The following RPS29 variants were observed in gnomAD, a reference collection of about 807,000 sequenced individuals.
RPS29 encodes the protein ribosomal protein S29, also known as small ribosomal subunit protein uS14.
For missense variants in RPS29, 60 were observed against 75.7 expected (o/e 0.79, Z 0.77); for synonymous variants, 37 against 26.9 (o/e 1.37, Z -1.16).
At chr14:49,595,542 G>A (rs2139523316) in intron 1 of RPS29, among the ~76,000 whole-genome samples, 1 of 152,196 alleles carries the variant, frequency 6.6e-6, no homozygotes, top group East Asian at 1.9e-4. Context: ...AGGAGTTTGA[G>A]GTTGCAGTGA....
exon 3 of RPS29, chr14:49,576,932 C>G (rs1352894090): frequency 6.6e-6 from 1 of 152,248 alleles, no homozygotes; most frequent in Non-Finnish European, 1.5e-5. Context: ...TTTTTCTTCC[C>G]AGTCTTAGGT....
At chr14:49,598,645 A>T (rs1271709064) in exon 1 of RPS29, 2 of 700,912 alleles carry the variant, frequency 2.9e-6, no homozygotes, top group Admixed American at 4.0e-5. Context: ...TGCGCCCGCA[A>T]CGCGTAAAGC....
rs867922556 is a variant in RPS29, at chr14:49,586,349, T to C, written c.-3A>G. 3.7e-6 allele frequency: 6 copies of C among 1,613,892 alleles called. No homozygotes were observed. In the East Asian group the frequency reaches 6.7e-5, roughly 18 times the overall value. On this transcript the variant is annotated 5_prime_UTR_variant, in exon 1 of 3. Transcript: ENST00000245458. The stretch of plus-strand genomic sequence containing the variant: ...CAGTACAGCTGCTGGTGACCCATCT[T>C]GCTCTCAGCAGTGCAACGAGGTAAA...
upstream of RPS29, among the ~76,000 whole-genome samples, chr14:49,590,486 A>C (rs1362676328): frequency 1.3e-5 from 2 of 152,092 alleles, no homozygotes; most frequent in South Asian, 4.1e-4. Flanking sequence ...AAAAAAAAAC[A>C]AAAAACAAAA....
At chr14:49,586,173 G>C in intron 1 of RPS29, 112 bp downstream of exon 1, 1 of 1,392,964 alleles carries the variant, frequency 7.2e-7, no homozygotes, top group African/African-American at 1.4e-5. Context: ...CGGCACCAGC[G>C]ACTCCCAGTC....
At chr14:49,586,672 GCTATGCCGATCGGGTGTCC>G, upstream of RPS29, 1 of 337,404 alleles carries the variant, frequency 3.0e-6, no homozygotes, top group Non-Finnish European at 5.8e-6. Flanking sequence ...GCTGTAGTGC[GCTATGCCGATCGGGTGTCC>G]GCACTAAGTT....
upstream of RPS29, chr14:49,586,423 T>C: frequency 7.6e-7 from 1 of 1,314,126 alleles, no homozygotes; most frequent in South Asian, 1.2e-5. Flanking sequence ...TGAGACAGTT[T>C]ACCCAGAATG....
chr14:49,591,231 C>A (rs1250170409), upstream of RPS29, among the ~76,000 whole-genome samples: 2 of 152,078 alleles, frequency 1.3e-5, no homozygotes. Context: ...ACCCTAGACC[C>A]CTATTTTCCC....
In RPS29 at chr14:49,584,792, G is replaced by A. The variant is rs1255034097; in HGVS notation, c.163-1117C>T. ...AAAAAAAAAAATTTACATCATTATA[G>A]AACAGTACTATCCAATACAAAATAA... On this transcript the variant is annotated intron_variant, in intron 2 of 2. Coordinates refer to ENST00000245458, the MANE Select transcript of RPS29 (RefSeq NM_001032.5). Among the ~76,000 whole-genome samples the A allele has an allele frequency of 2.6e-5, 4 of 151,350 alleles. No individual in the cohort carries two copies. In the East Asian group the frequency reaches 7.7e-4, roughly 29 times the overall value.
chr14:49,577,571 A>T, exon 3 of RPS29: 1 of 641,202 alleles, frequency 1.6e-6, no homozygotes, highest in South Asian at 1.7e-5. Context: ...TGGACCAGGA[A>T]CTTCCAGAAG....
At chr14:49,591,327 A>C (rs1303109367), upstream of RPS29, among the ~76,000 whole-genome samples, 2 of 146,280 alleles carry the variant, frequency 1.4e-5, no homozygotes, top group Admixed American at 1.4e-4. Flanking sequence ...GTTTTCACAG[A>C]GTCTCACTCT....
intron 1 of RPS29, among the ~76,000 whole-genome samples, chr14:49,594,093 C>G (rs1881771430): frequency 6.6e-6 from 1 of 152,250 alleles, no homozygotes. Flanking sequence ...GACATTTCAG[C>G]TCTAAAACTT....
At chr14:49,586,078 G>C in intron 1 of RPS29, 29 bp from the exon 2 acceptor site, 1 of 1,595,432 alleles carries the variant, frequency 6.3e-7, no homozygotes, top group Non-Finnish European at 8.6e-7. Context: ...CGGTTTTGCA[G>C]GTCATAGAAA....
chr14:49,576,314 G>T lies in RPS29; in HGVS notation c.*1498C>A, dbSNP rs894512757. 12 of 151,968 alleles carry T rather than the reference G, an allele frequency of 7.9e-5. No individual in the cohort carries two copies. The South Asian group carries it at 1.7e-3, about 21-fold the overall frequency. The allele number at this position is 151,968 out of a possible 1,614,324, so 9.4% of individuals were successfully genotyped here. On this transcript the variant is annotated 3_prime_UTR_variant, in exon 3 of 3. Coordinates refer to the RPS29 transcript ENST00000396020. ...TAGGGGATCTCCTGATGTTGCCCAG[G>T]CTGGTCTGGAACTCCTGGCATCAAA...
exon 3 of RPS29, chr14:49,571,542 C>T (rs1420536406): frequency 6.6e-6 from 1 of 152,166 alleles, no homozygotes; most frequent in Non-Finnish European, 1.5e-5. Flanking sequence ...GCGAGAACAA[C>T]CATGTGATTA....
intron 1 of RPS29, chr14:49,598,119 T>C (rs1025994268): frequency 2.1e-5 from 8 of 387,766 alleles, no homozygotes; most frequent in Non-Finnish European, 4.6e-6. Flanking sequence ...CATTTTACCA[T>C]TACGGAAGTA....
At chr14:49,596,128 A>G (rs1881817641) in intron 1 of RPS29, among the ~76,000 whole-genome samples, 2 of 152,234 alleles carry the variant, frequency 1.3e-5, no homozygotes, top group Non-Finnish European at 2.9e-5. Flanking sequence ...GCAAAAAGGA[A>G]GGTCAAGATG....
chr14:49,579,720 G>A (rs1460804258), downstream of RPS29, among the ~76,000 whole-genome samples: 4 of 152,162 alleles, frequency 2.6e-5, no homozygotes, highest in Non-Finnish European at 4.4e-5. Context: ...TGCTTGGTAT[G>A]CATGTAAATA....
chr14:49,584,936 CAA>C (rs1202492698), intron 2 of RPS29, among the ~76,000 whole-genome samples: 1 of 135,366 alleles, frequency 7.4e-6, no homozygotes, highest in Non-Finnish European at 1.7e-5. Flanking sequence ...GTTTCACAGT[CAA>C]AAGTTTCATA....
Sources: gnomAD v4.1 joint callset for allele counts (sites outside exome capture counted in the v4.1 genomes callset) on GRCh38, gnomAD v4.1.1 for gene constraint, MANE v1.5 for transcripts, NCBI Gene and HGNC (gene_info 2026-07-23, HGNC 2026-07-21) for gene names.